The following LSM8 variants were observed in gnomAD, a reference collection of about 807,000 sequenced individuals.
The protein encoded by LSM8 is LSM8 homolog, U6 small nuclear RNA associated, also known as LSM8 U6 small nuclear RNA associated.
Under a neutral mutation model 15.0 loss-of-function variants are expected in LSM8, and 14 were observed. The observed-to-expected ratio is 0.93, with a 90% CI of 0.62 to 1.46. LSM8 has a LOEUF of 1.46. LSM8 is among the 40% of genes most tolerant of loss of function. The probability of loss-of-function intolerance (pLI) is 0.00; values close to 1 mark genes in which losing one functional copy is unlikely to be tolerated. For synonymous variants in LSM8, 50 were observed against 42.1 expected (o/e 1.19, Z -0.73); for missense variants, 90 against 115.4 (o/e 0.78, Z 1.01).
rs77293155 is a variant in LSM8 at position 118,192,820 on chromosome 7, T to C, written c.*818T>C. The C allele has an allele frequency of 5.8e-3, 876 of 152,284 alleles. 10 individuals are homozygous for C. The highest frequency in any genetic ancestry group is 0.02 in the African/African-American group (832 of 41,592). The allele number at this position is 152,284 out of a possible 1,614,324, so 9.4% of individuals were successfully genotyped here. A position where few individuals can be genotyped will look rare whatever the true frequency, so the allele number is the denominator to read the frequency against. On this transcript the variant is annotated 3_prime_UTR_variant, in exon 4 of 4. Coordinates refer to ENST00000249299, the MANE Select transcript of LSM8 (RefSeq NM_016200.5). ...TGTGAGTAAATAAACTCTAAGTTTG[T>C]ATTGAAGTAGTGCTAGCTATTATTG...
rs1166116273 is a variant in LSM8, at chr7:118,194,408, A to G, written c.*2406A>G. 6.6e-6 allele frequency among the ~76,000 whole-genome samples: 1 copy of G among 152,068 alleles called. No homozygotes were observed. Among genetic ancestry groups the G allele is most frequent in the Non-Finnish European group, 1.5e-5 (1 of 67,962 alleles). On this transcript the variant is annotated 3_prime_UTR_variant, in exon 4 of 4. Transcript: ENST00000249299. ...AAGATACTATCTAAACTAATAGTTT[A>G]AAATAACATTGCTTTTATGTCAAAG...
At position 118,198,757 on chromosome 7, in the gene LSM8, T is replaced by C. The variant is rs960749307; in HGVS notation, c.*6755T>C. 6.6e-6 allele frequency among the ~76,000 whole-genome samples: 1 copy of C among 152,178 alleles called. No homozygotes were observed. The highest frequency in any genetic ancestry group is 1.5e-5 in the Non-Finnish European group (1 of 68,028). On this transcript the variant is annotated 3_prime_UTR_variant, in exon 4 of 4. Transcript: ENST00000249299. ...CTGTACAGTAAAGGCTCAAATCCTTTTTATTGCAAAGAAAGGACCTGTCCT... is the reference window on the plus strand; with the variant it reads ...CTGTACAGTAAAGGCTCAAATCCTTCTTATTGCAAAGAAAGGACCTGTCCT...
chr7:118,184,307 G>C, intron 1 of LSM8, 53 bp downstream of exon 1: 1 of 1,443,244 alleles, frequency 6.9e-7, no homozygotes, highest in Middle Eastern at 1.8e-4. Flanking sequence ...GAGAGGCCGC[G>C]GTCGGGGATC....
Position 118,198,560 on chromosome 7 carries a change from G to A in LSM8, c.*6558G>A, listed in dbSNP as rs1809118054. ...ATGGCAAAGATGCATTTTCCTCTAT[G>A]CATAGCAATATGGGAGAGATTGGAG... On this transcript the variant is annotated 3_prime_UTR_variant, in exon 4 of 4. Transcript: ENST00000249299. Among the ~76,000 whole-genome samples, 1 of 152,158 alleles carries A rather than the reference G, an allele frequency of 6.6e-6. No homozygotes were observed. Among genetic ancestry groups the A allele is most frequent in the Non-Finnish European group, 1.5e-5 (1 of 68,030 alleles).
In LSM8 at chr7:118,194,678, T is replaced by A. The variant is rs1228655115; in HGVS notation, c.*2676T>A. On this transcript the variant is annotated 3_prime_UTR_variant, in exon 4 of 4. Coordinates refer to ENST00000249299, the MANE Select transcript of LSM8 (RefSeq NM_016200.5). Reference sequence around the variant, plus strand: ...CAACATTTTCCTCAGCCGTGTAACCTGAGATTCATCATGGGAATGAGAAAG... The same window carrying A: ...CAACATTTTCCTCAGCCGTGTAACCAGAGATTCATCATGGGAATGAGAAAG... 6.6e-6 allele frequency among the ~76,000 whole-genome samples: 1 copy of A among 152,158 alleles called. No homozygotes were observed. Among genetic ancestry groups the A allele is most frequent in the Non-Finnish European group, 1.5e-5 (1 of 68,018 alleles).
chr7:118,198,669 T>C lies in LSM8; in HGVS notation c.*6667T>C, dbSNP rs1159636183. 6.6e-6 allele frequency among the ~76,000 whole-genome samples: 1 copy of C among 152,128 alleles called. No individual in the cohort carries two copies. The highest frequency in any genetic ancestry group is 2.4e-5 in the African/African-American group (1 of 41,434). The stretch of plus-strand genomic sequence containing the variant: ...ATAGATGGTTAGGAAAACTTCAAAT[T>C]GGCAGACAGGAAGGCAAGAAGGAGT... On this transcript the variant is annotated 3_prime_UTR_variant, in exon 4 of 4. Coordinates refer to ENST00000249299, the MANE Select transcript of LSM8 (RefSeq NM_016200.5).
At position 118,195,689 on chromosome 7, in the gene LSM8, T is replaced by C. The variant is rs1234994015; in HGVS notation, c.*3687T>C. Among the ~76,000 whole-genome samples the C allele has an allele frequency of 2.0e-5, 3 of 152,326 alleles. No individual in the cohort carries two copies. In the East Asian group the frequency reaches 5.8e-4, roughly 29 times the overall value. On this transcript the variant is annotated 3_prime_UTR_variant, in exon 4 of 4. Transcript: ENST00000249299. Reference sequence around the variant, plus strand: ...ACCTCTCCATTCTGTACTTGTATAGTCATTACCTCATATAGATTTAATTTT... The same window carrying C: ...ACCTCTCCATTCTGTACTTGTATAGCCATTACCTCATATAGATTTAATTTT...
At chr7:118,191,726 C>T in intron 3 of LSM8, 186 bp from the exon 4 acceptor site, 1 of 515,034 alleles carries the variant, frequency 1.9e-6, no homozygotes, top group Non-Finnish European at 3.4e-6. Context: ...AGTTTTGTGA[C>T]TTAAATATGC....
At chr7:118,191,103 C>G (rs1808974184) in intron 3 of LSM8, 1 of 145,166 alleles carries the variant, frequency 6.9e-6, no homozygotes, top group Admixed American at 6.9e-5. Flanking sequence ...GAAACTCTAT[C>G]TCAAAAAAAA....
Position 118,196,012 on chromosome 7 carries a change from T to A in LSM8, c.*4010T>A, listed in dbSNP as rs1427696410. Among the ~76,000 whole-genome samples the A allele has an allele frequency of 6.6e-6, 1 of 152,204 alleles. No individual in the cohort carries two copies. Among genetic ancestry groups the A allele is most frequent in the African/African-American group, 2.4e-5 (1 of 41,454 alleles). ...TGCTTTGATGTGATCTTCATTCCTC[T>A]GTATAGTGGGAAACCATGAGACGTG... On this transcript the variant is annotated 3_prime_UTR_variant, in exon 4 of 4. Coordinates refer to ENST00000249299, the MANE Select transcript of LSM8 (RefSeq NM_016200.5).
At position 118,185,646 on chromosome 7, in the gene LSM8, G is replaced by A. The variant is rs769160048; in HGVS notation, c.32-8G>A. The stretch of plus-strand genomic sequence containing the variant: ...CCTAAGAAACACTTTCTTTGATTCA[G>A]TTATCAGGAACTGTTGCCGTTATTA... On this transcript the variant is annotated splice_region_variant and splice_polypyrimidine_tract_variant and intron_variant, in intron 1 of 3. Transcript: ENST00000249299. 6.2e-7 allele frequency: 1 copy of A among 1,606,804 alleles called. No homozygotes were observed. Among genetic ancestry groups the A allele is most frequent in the Non-Finnish European group, 8.5e-7 (1 of 1,173,848 alleles).
At position 118,196,283 on chromosome 7, in the gene LSM8, C is replaced by T. The variant is rs1381707826; in HGVS notation, c.*4281C>T. On this transcript the variant is annotated 3_prime_UTR_variant, in exon 4 of 4. Transcript: ENST00000249299. ...TTGACTCAGATTTACTGTCGAAGGT[C>T]GTGTTATTTCATCAGATTCTTTCAG... is the stretch of plus-strand genomic sequence containing the variant. Among the ~76,000 whole-genome samples the T allele has an allele frequency of 6.6e-6, 1 of 152,098 alleles. No individual in the cohort carries two copies.
rs1288216893 is a variant in LSM8 at position 118,200,693 on chromosome 7, T to C, written c.*8691T>C. Among the ~76,000 whole-genome samples the C allele has an allele frequency of 1.3e-5, 2 of 152,130 alleles. No individual in the cohort carries two copies. The highest frequency in any genetic ancestry group is 2.9e-5 in the Non-Finnish European group (2 of 68,002). On this transcript the variant is annotated 3_prime_UTR_variant, in exon 4 of 4. Transcript: ENST00000249299. ...TCCATGGAATTCAAATTTAATTAAT[T>C]GATAAATCACATTGTACTTTATAAG...
In LSM8 at chr7:118,199,671, C is replaced by T. The variant is rs895445675; in HGVS notation, c.*7669C>T. 4.6e-5 allele frequency among the ~76,000 whole-genome samples: 7 copies of T among 152,104 alleles called. No homozygotes were observed. Among genetic ancestry groups the T allele is most frequent in the African/African-American group, 1.7e-4 (7 of 41,418 alleles). On this transcript the variant is annotated 3_prime_UTR_variant, in exon 4 of 4. Transcript: ENST00000249299. ...AATGAGAGTTACCAAATGCCAGACA[C>T]TGCTAAGTGCTGGGAACTTAGATGT...
At chr7:118,185,495 T>G (rs9655829) in intron 1 of LSM8, 159 bp from the exon 2 acceptor site, 454,631 of 637,008 alleles carry the variant, frequency 0.71, 163,596 homozygotes, top group South Asian at 0.84. Context: ...CCTTGGCGTC[T>G]AAGAAACTTT....
rs942610338 is a variant in LSM8 at position 118,201,535 on chromosome 7, A to G, written c.*9533A>G. On this transcript the variant is annotated 3_prime_UTR_variant, in exon 4 of 4. Coordinates refer to ENST00000249299, the MANE Select transcript of LSM8 (RefSeq NM_016200.5). ...TGTACAACCAAGAATCTCAATATTT[A>G]TTATTTTGCATTAAATATCAGTAAG... 2.6e-5 allele frequency among the ~76,000 whole-genome samples: 4 copies of G among 152,108 alleles called. No homozygotes were observed. Among genetic ancestry groups the G allele is most frequent in the Admixed American group, 6.6e-5 (1 of 15,252 alleles).
chr7:118,188,170 A>G, intron 2 of LSM8, 108 bp from the exon 3 acceptor site: 2 of 1,237,136 alleles, frequency 1.6e-6, no homozygotes, highest in Non-Finnish European at 2.4e-6. Context: ...GCCGTCGTAT[A>G]GGTACTTGTA....
In LSM8 at chr7:118,202,897, A is replaced by G. The variant is rs559485179; in HGVS notation, c.*10895A>G. Among the ~76,000 whole-genome samples the G allele has an allele frequency of 4.6e-5, 7 of 152,082 alleles. No homozygotes were observed. Among genetic ancestry groups the G allele is most frequent in the African/African-American group, 1.7e-4 (7 of 41,546 alleles). On this transcript the variant is annotated 3_prime_UTR_variant, in exon 4 of 4. Coordinates refer to ENST00000249299, the MANE Select transcript of LSM8 (RefSeq NM_016200.5). Reference sequence around the variant, plus strand: ...TTAATAAATTCCCCAGGTGAGTCATATGCACATTAAAGTTTGAGAAGCACT... The same window carrying G: ...TTAATAAATTCCCCAGGTGAGTCATGTGCACATTAAAGTTTGAGAAGCACT...
At chr7:118,191,689 A>G (rs3808178) in intron 3 of LSM8, 30,852 of 479,320 alleles carry the variant, frequency 0.064, 1,177 homozygotes, top group East Asian at 0.11. Context: ...TGGTTCCTGT[A>G]ATAATGTGCC....
Sources: allele counts gnomAD v4.1 joint callset (sites outside exome capture counted in the v4.1 genomes callset), GRCh38; gene constraint gnomAD v4.1.1; transcripts MANE v1.5; gene names NCBI Gene and HGNC (gene_info 2026-07-23, HGNC 2026-07-21).